FRMPD4: variants seen among roughly 807,000 people sequenced by gnomAD.
FRMPD4 encodes FERM and PDZ domain-containing protein 4.
FRMPD4 carries 22 observed loss-of-function variants against 94.1 expected under a neutral mutation model. The ratio of observed to expected loss-of-function variants is 0.23; its 90% CI spans 0.17 to 0.33. FRMPD4 has a LOEUF of 0.33. FRMPD4 is among the 10% of genes least tolerant of loss of function. The pLI, the probability that FRMPD4 is intolerant of heterozygous loss-of-function variation, is 1.00. For synonymous variants in FRMPD4, 631 were observed against 548.6 expected (o/e 1.15, Z -2.10); for missense variants, 1,111 against 1,339.9 (o/e 0.83, Z 2.67).
intron 3 of FRMPD4, among the ~76,000 whole-genome samples, chrX:12,125,860 T>C (rs931283641): frequency 8.9e-6 from 1 of 112,033 alleles, no homozygotes; most frequent in African/African-American, 3.2e-5. Context: ...AGCTCTGCCC[T>C]GCTCACTGAA....
At chrX:12,136,182 T>C (rs2055594593), upstream of FRMPD4, among the ~76,000 whole-genome samples, 1 of 111,262 alleles carries the variant, frequency 9.0e-6, no homozygotes, top group African/African-American at 3.3e-5. Flanking sequence ...AATGGGCATA[T>C]GATTTGTTCG....
chrX:12,023,694 A>T (rs923064482), intron 3 of FRMPD4, among the ~76,000 whole-genome samples: 1 of 111,399 alleles, frequency 9.0e-6, no homozygotes, highest in Admixed American at 9.5e-5. Context: ...ACTTGGAGAA[A>T]TGTTCTCAGG....
chrX:11,913,195 C>T (rs1431487676), intron 3 of FRMPD4, among the ~76,000 whole-genome samples: 1 of 112,151 alleles, frequency 8.9e-6, no homozygotes, highest in Non-Finnish European at 1.9e-5. Flanking sequence ...TCTTGGGATC[C>T]TAATTCTATT....
intron 3 of FRMPD4, among the ~76,000 whole-genome samples, chrX:12,069,661 TC>T (rs1012882812): frequency 1.8e-5 from 2 of 111,434 alleles, no homozygotes; most frequent in Non-Finnish European, 3.8e-5. Flanking sequence ...CTTGATGAGC[TC>T]ACCTAAGGAA....
chrX:12,510,069 A>C (rs149926618), intron 2 of FRMPD4, among the ~76,000 whole-genome samples: 50 of 111,969 alleles, frequency 4.5e-4, no homozygotes, highest in African/African-American at 1.4e-3. Flanking sequence ...TTGGACTAGA[A>C]ATCTGTATCA....
At chrX:12,177,059 A>G (rs940462841) in intron 1 of FRMPD4, among the ~76,000 whole-genome samples, 1 of 112,590 alleles carries the variant, frequency 8.9e-6, no homozygotes, top group Admixed American at 9.4e-5. Context: ...TCACTTAATG[A>G]AAAGATGCTA....
chrX:12,367,475 C>G (rs2056101274), intron 1 of FRMPD4, among the ~76,000 whole-genome samples: 1 of 112,257 alleles, frequency 8.9e-6, no homozygotes, highest in African/African-American at 3.2e-5. Flanking sequence ...TTAGTGGCTG[C>G]CCTAATTGCC....
intron 1 of FRMPD4, among the ~76,000 whole-genome samples, chrX:12,398,172 A>T (rs1384508073): frequency 2.7e-5 from 3 of 112,170 alleles, no homozygotes; most frequent in African/African-American, 9.7e-5. Flanking sequence ...ACCTGAGGGA[A>T]GTTACATTGT....
chrX:12,317,415 A>G (rs1315876837), intron 1 of FRMPD4, among the ~76,000 whole-genome samples: 2 of 110,907 alleles, frequency 1.8e-5, no homozygotes, highest in Non-Finnish European at 3.8e-5. Context: ...GACAGCCAAC[A>G]TAAAAATTGA....
intron 4 of FRMPD4, among the ~76,000 whole-genome samples, chrX:12,672,690 G>C (rs1273595840): frequency 9.0e-6 from 1 of 111,705 alleles, no homozygotes; most frequent in Non-Finnish European, 1.9e-5. Context: ...AGCTGATTCT[G>C]TCTCAGTTCA....
At position 12,315,370 on chromosome X, in the gene FRMPD4, T is replaced by A. The variant is rs143091827; in HGVS notation, c.41+176358T>A. On this transcript the variant is annotated intron_variant, in intron 1 of 16. Transcript: ENST00000675598. ...TTCCATTTTGTTCTCTTGAGATTAG[T>A]GTAGTAATAATTATTCACTGACCAC... Among the ~76,000 whole-genome samples, 1,108 of 112,337 alleles carry A rather than the reference T, an allele frequency of 9.9e-3. 13 individuals are homozygous for A. The highest frequency in any genetic ancestry group is 0.034 in the African/African-American group (1,052 of 30,916).
At chrX:12,195,429 A>C (rs1239796479) in intron 1 of FRMPD4, among the ~76,000 whole-genome samples, 2 of 112,103 alleles carry the variant, frequency 1.8e-5, no homozygotes, top group Non-Finnish European at 3.8e-5. Context: ...AGTCTGGAGG[A>C]ATCCATGCAC....
At chrX:12,281,298 A>T (rs1480230780) in intron 1 of FRMPD4, among the ~76,000 whole-genome samples, 1 of 111,918 alleles carries the variant, frequency 8.9e-6, no homozygotes, top group Non-Finnish European at 1.9e-5. Context: ...TAGAGCATCT[A>T]CCATAATCAC....
intron 14 of FRMPD4, among the ~76,000 whole-genome samples, chrX:12,710,773 G>T (rs370968621): frequency 9.0e-6 from 1 of 110,647 alleles, no homozygotes; most frequent in African/African-American, 3.3e-5. Flanking sequence ...GGGCATAGTG[G>T]CACGCACCTG....
At chrX:12,426,381 G>A (rs191645961) in intron 1 of FRMPD4, among the ~76,000 whole-genome samples, 8 of 111,357 alleles carry the variant, frequency 7.2e-5, no homozygotes, top group African/African-American at 9.8e-5. Flanking sequence ...CCTGAGGGAT[G>A]GTTGAGAGCA....
At chrX:11,898,478 C>G (rs1468798025) in intron 3 of FRMPD4, among the ~76,000 whole-genome samples, 1 of 111,512 alleles carries the variant, frequency 9.0e-6, no homozygotes, top group Non-Finnish European at 1.9e-5. Flanking sequence ...GTCCCTGGAC[C>G]AGTGGCAGCA....
chrX:12,608,513 G>T (rs1248099040), intron 2 of FRMPD4, among the ~76,000 whole-genome samples: 1 of 112,400 alleles, frequency 8.9e-6, no homozygotes, highest in Non-Finnish European at 1.9e-5. Context: ...CAAATGCCAA[G>T]AGTTAAGTTC....
rs139238749 is a variant in FRMPD4, at chrX:12,154,610, C to T, written c.41+15598C>T. ...AACATGGGTCATTTATTTAGAGACACCTATACTTAGTAGGACATGTATACC... is the reference window on the plus strand; with the variant it reads ...AACATGGGTCATTTATTTAGAGACATCTATACTTAGTAGGACATGTATACC... On this transcript the variant is annotated intron_variant, in intron 1 of 16. Coordinates refer to ENST00000675598, the MANE Select transcript of FRMPD4 (RefSeq NM_001368397.1). Among the ~76,000 whole-genome samples, 3 of 112,605 alleles carry T rather than the reference C, an allele frequency of 2.7e-5. No individual in the cohort carries two copies. In the East Asian group the frequency reaches 8.3e-4, roughly 31 times the overall value.
chrX:12,402,073 A>G (rs1031033965), intron 1 of FRMPD4, among the ~76,000 whole-genome samples: 1 of 110,914 alleles, frequency 9.0e-6, no homozygotes, highest in Non-Finnish European at 1.9e-5. Context: ...TAGGGAAGTG[A>G]GAGTTCAGAC....
Sources: gnomAD v4.1 joint callset for allele counts (sites outside exome capture counted in the v4.1 genomes callset) on GRCh38, gnomAD v4.1.1 for gene constraint, MANE v1.5 for transcripts, NCBI Gene and HGNC (gene_info 2026-07-23, HGNC 2026-07-21) for gene names.